HMGN5: variants seen among roughly 807,000 people sequenced by gnomAD.
HMGN5 encodes the protein high mobility group nucleosome binding domain 5.
A neutral mutation model predicts 9.5 loss-of-function variants in HMGN5; 4 were observed. The ratio of observed to expected loss-of-function variants is 0.42; its 90% confidence interval spans 0.21 to 0.96. The LOEUF is 0.96. Among genes scored for constraint, HMGN5 ranks in the 40% least tolerant of loss-of-function variants. HMGN5 has a pLI of 0.30. For synonymous variants in HMGN5, 55 were observed against 57.1 expected, an observed-to-expected ratio of 0.96 and a Z score of 0.16; for missense variants, 192 against 187.5, an observed-to-expected ratio of 1.02 and a Z score of -0.14.
rs1174105992 is a variant in HMGN5, at chrX:81,115,054, G to A, written c.444C>T (p.Asp148=). 2 of 1,126,163 alleles carry A rather than the reference G, an allele frequency of 1.8e-6. No homozygotes were observed. Among genetic ancestry groups the A allele is most frequent in the Non-Finnish European group, 2.3e-6 (2 of 855,255 alleles). The allele number at this position is 1,126,163 out of a possible 1,213,427, so 92.8% of individuals were successfully genotyped here. A position where few individuals can be genotyped will look rare whatever the true frequency, so the allele number is the denominator to read the frequency against. The change falls in exon 7 of 7, where the codon GAC becomes GAT. Residue 148 remains aspartate, a synonymous_variant. Coordinates refer to ENST00000358130, the MANE Select transcript of HMGN5 (RefSeq NM_030763.3). ...CATCTTCTTCCCCTTTTTCATCTTTGTCTTCTTTTCCAGCTTCCCCTTTCT... is the reference window on the plus strand; with the variant it reads ...CATCTTCTTCCCCTTTTTCATCTTTATCTTCTTTTCCAGCTTCCCCTTTCT... ...NEEKGEAGKE[D]KDEKGEEDGK...
chrX:81,146,150 C>T lies in HMGN5; in HGVS notation c.-123-24478G>A, dbSNP rs2075343073. On this transcript the variant is annotated intron_variant, in intron 1 of 6. Coordinates refer to ENST00000358130, the MANE Select transcript of HMGN5 (RefSeq NM_030763.3). ...TGAACTCAGCTCTGGACCAAGTGGA[C>T]CTAAAAGACATCTACAGAACTCTCC... is the stretch of plus-strand genomic sequence containing the variant. Among the ~76,000 whole-genome samples the T allele has an allele frequency of 3.6e-5, 4 of 111,544 alleles. No homozygotes were observed. In the South Asian group the frequency reaches 1.5e-3, roughly 42 times the overall value.
At chrX:81,121,762 C>G (rs1440635701) in intron 1 of HMGN5, 90 bp from the exon 2 acceptor site, 2 of 334,869 alleles carry the variant, frequency 6.0e-6, no homozygotes, top group Non-Finnish European at 1.1e-5. Context: ...GAGTGGGAGC[C>G]ACATTGGAGT....
Position 81,114,787 on chromosome X carries a change from A to G in HMGN5, c.711T>C (p.Asp237=), listed in dbSNP as rs796287740. The change falls in exon 7 of 7, where the codon GAT becomes GAC. Residue 237 remains aspartate, a synonymous_variant. Transcript: ENST00000358130. ...KVKEDEKERE[D]GKEDEGGNEE... The stretch of plus-strand genomic sequence containing the variant: ...CATTTCCACCTTCATCTTCTTTTCC[A>G]TCTTCTCTCTCTTTTTCATCTTCTT... 8 of 1,134,963 alleles carry G rather than the reference A, an allele frequency of 7.0e-6. No homozygotes were observed. In the Middle Eastern group the frequency reaches 1.6e-3, roughly 224 times the overall value. The allele number at this position is 1,134,963 out of a possible 1,213,427, so 93.5% of individuals were successfully genotyped here. A position where few individuals can be genotyped will look rare whatever the true frequency, so the allele number is the denominator to read the frequency against.
intron 1 of HMGN5, among the ~76,000 whole-genome samples, chrX:81,129,240 G>A (rs1261585314): frequency 9.0e-6 from 1 of 111,711 alleles, no homozygotes; most frequent in East Asian, 2.8e-4. Context: ...AACTGGCACT[G>A]GAGAGCAGCA....
intron 1 of HMGN5, among the ~76,000 whole-genome samples, chrX:81,124,021 C>T (rs2075276115): frequency 8.9e-6 from 1 of 111,956 alleles, no homozygotes; most frequent in Non-Finnish European, 1.9e-5. Flanking sequence ...CTTGAGGAGC[C>T]TTGGAAGGTA....
intron 1 of HMGN5, among the ~76,000 whole-genome samples, chrX:81,130,165 G>T (rs1442022109): frequency 9.0e-6 from 1 of 111,199 alleles, no homozygotes; most frequent in African/African-American, 3.3e-5. Context: ...GGAAGGTAAT[G>T]ATCATAATGC....
Position 81,153,587 on chromosome X carries a change from ATATATATATATATATATAT to A in HMGN5, c.-123-31934_-123-31916del, listed in dbSNP as rs1569346268. On this transcript the variant is annotated intron_variant, in intron 1 of 6. Coordinates refer to ENST00000358130, the MANE Select transcript of HMGN5 (RefSeq NM_030763.3). ...TCTCTCTCTCTCTCTCTCTCTCTAT[ATATATATATATATATATAT>A]ATATATATATATATATATATATATA... 2.1e-3 allele frequency among the ~76,000 whole-genome samples: 7 copies of A among 3,392 alleles called. 1 individual carries two copies. The highest frequency in any genetic ancestry group is 7.4e-3 in the African/African-American group (7 of 952). The allele number at this position is 3,392 out of a possible 115,157, so 2.9% of individuals were successfully genotyped here. A position where few individuals can be genotyped will look rare whatever the true frequency, so the allele number is the denominator to read the frequency against.
At position 81,115,589 on chromosome X, in the gene HMGN5, A is replaced by G. The variant is rs993059646; in HGVS notation, c.268-359T>C. ...CTTAATGAGGACTATGCATGTAAAC[A>G]AAATATAGTCCTTGGAAAATAACAT... On this transcript the variant is annotated intron_variant, in intron 6 of 6. Coordinates refer to ENST00000358130, the MANE Select transcript of HMGN5 (RefSeq NM_030763.3). Among the ~76,000 whole-genome samples the G allele has an allele frequency of 1.6e-4, 18 of 112,304 alleles. 1 individual carries two copies. In the Admixed American group the frequency reaches 1.6e-3, roughly 10 times the overall value.
chrX:81,143,336 G>C (rs139103469), intron 1 of HMGN5, among the ~76,000 whole-genome samples: 2 of 111,867 alleles, frequency 1.8e-5, no homozygotes, highest in Admixed American at 1.9e-4. Flanking sequence ...AAGACATGGA[G>C]TGGCTGAATG....
intron 1 of HMGN5, among the ~76,000 whole-genome samples, chrX:81,139,502 G>GAA (rs370531388): frequency 5.8e-5 from 6 of 104,165 alleles, no homozygotes; most frequent in Non-Finnish European, 7.9e-5. Flanking sequence ...TATCTACACA[G>GAA]AAAAAAAAAA....
chrX:81,146,712 A>C (rs1430229042), intron 1 of HMGN5, among the ~76,000 whole-genome samples: 1 of 111,890 alleles, frequency 8.9e-6, no homozygotes, highest in African/African-American at 3.2e-5. Flanking sequence ...TCAAGGAGCT[A>C]GTTTTTTGAA....
chrX:81,194,969 G>C (rs975484096), intron 1 of HMGN5: 1 of 112,114 alleles, frequency 8.9e-6, no homozygotes, highest in Non-Finnish European at 1.9e-5. Context: ...GTGTTCATAA[G>C]TAATTTCTGG....
Position 81,114,822 on chromosome X carries a change from C to G in HMGN5, c.676G>C (p.Val226Leu). 8.6e-7 allele frequency: 1 copy of G among 1,159,677 alleles called. No individual in the cohort carries two copies. Among genetic ancestry groups the G allele is most frequent in the Non-Finnish European group, 1.1e-6 (1 of 870,322 alleles). ...TCTTTTTCATCTTCTTTGACTTTTA[C>G]ATCTTTCCCCTCTTTTTTATCTCCC... is the stretch of plus-strand genomic sequence containing the variant. Reference protein sequence around the residue: ...EKGDKKEGKDVKVKEDEKERE... With the variant: ...EKGDKKEGKDLKVKEDEKERE... The change falls in exon 7 of 7, where the codon GTA becomes CTA. Residue 226 changes from valine (V) to leucine (L), a missense_variant. Physicochemically the swap from Val to Leu is conservative, Grantham distance 32. Transcript: ENST00000358130.
At chrX:81,167,571 C>T (rs1010007537) in intron 1 of HMGN5, among the ~76,000 whole-genome samples, 1 of 111,310 alleles carries the variant, frequency 9.0e-6, no homozygotes, top group Non-Finnish European at 1.9e-5. Flanking sequence ...TCTTATACTT[C>T]CTTTTATAAA....
At chrX:81,182,910 G>T (rs906779416) in intron 1 of HMGN5, among the ~76,000 whole-genome samples, 1 of 111,609 alleles carries the variant, frequency 9.0e-6, no homozygotes, top group African/African-American at 3.3e-5. Flanking sequence ...AGTGTGGAAG[G>T]CTCAGAAGAA....
intron 1 of HMGN5, chrX:81,197,879 T>C (rs1165747550): frequency 9.0e-6 from 1 of 110,728 alleles, no homozygotes; most frequent in Non-Finnish European, 1.9e-5. Flanking sequence ...GCAATAGCAG[T>C]AGCCCTGATG....
chrX:81,186,405 A>C (rs892594619), intron 1 of HMGN5, among the ~76,000 whole-genome samples: 3 of 112,148 alleles, frequency 2.7e-5, no homozygotes, highest in Non-Finnish European at 3.8e-5. Context: ...ATGGTTGCTT[A>C]CAGTAGCCAC....
chrX:81,177,367 CAAAAAAAAAAAAAAA>C (rs148090852), intron 1 of HMGN5, among the ~76,000 whole-genome samples: 7 of 10,678 alleles, frequency 6.6e-4, no homozygotes, highest in South Asian at 0.057. Flanking sequence ...AAATGGAAAG[CAAAAAAAAAAAAAAA>C]AAAAAAAAAA....
chrX:81,189,242 G>A (rs1209306123), intron 1 of HMGN5, among the ~76,000 whole-genome samples: 3 of 111,918 alleles, frequency 2.7e-5, no homozygotes, highest in African/African-American at 9.7e-5. Flanking sequence ...ACCTATTCTT[G>A]AAAGCCAATA....
Sources: gnomAD v4.1 joint callset for allele counts (sites outside exome capture counted in the v4.1 genomes callset) on GRCh38, gnomAD v4.1.1 for gene constraint, MANE v1.5 for transcripts, NCBI Gene and HGNC (gene_info 2026-07-23, HGNC 2026-07-21) for gene names.